The following CRHR2 variants were observed in gnomAD, a reference collection of about 807,000 sequenced individuals.
The protein encoded by CRHR2 is corticotropin releasing hormone receptor 2.
CRHR2 carries 53 observed loss-of-function variants against 57.9 expected under a neutral mutation model. The ratio of observed to expected loss-of-function variants is 0.92; its 90% CI spans 0.73 to 1.15. The LOEUF (loss-of-function observed/expected upper bound fraction) is 1.15, where lower values mean the gene tolerates loss of function less well. CRHR2 is among the 50% of genes most tolerant of loss of function. The pLI, the probability that CRHR2 is intolerant of heterozygous loss-of-function variation, is 0.00. For synonymous variants in CRHR2, 213 were observed against 220.9 expected (o/e 0.96, Z 0.32); for missense variants, 532 against 542.6 (o/e 0.98, Z 0.19).
At chr7:30,683,861 G>C (rs1428623984), upstream of CRHR2, among the ~76,000 whole-genome samples, 1 of 152,196 alleles carries the variant, frequency 6.6e-6, no homozygotes, top group African/African-American at 2.4e-5. Flanking sequence ...GCTAGGAAAG[G>C]CTGAAACCAC....
chr7:30,653,452 C>A lies in CRHR2; in HGVS notation c.*8G>T. 1.9e-6 allele frequency: 3 copies of A among 1,612,584 alleles called. No homozygotes were observed. The highest frequency in any genetic ancestry group is 8.5e-7 in the Non-Finnish European group (1 of 1,179,406). On this transcript the variant is annotated 3_prime_UTR_variant, in exon 12 of 12. Transcript: ENST00000471646. The surrounding 1 kb of genome is among the most constrained non-coding windows in gnomAD (Gnocchi z 5.0). ...ACAGGGGAGCTGTGCAGGTGGGCGA[C>A]CGAGGGGTCACACAGCGGCCGTCTG...
chr7:30,699,701 T>A (rs1459320040), intron 1 of CRHR2: 2 of 211,046 alleles, frequency 9.5e-6, no homozygotes, highest in Non-Finnish European at 9.5e-6. Flanking sequence ...TCCCTTCCCC[T>A]GCCCCCTCAC....
chr7:30,659,196 G>A (rs1257755829), intron 8 of CRHR2, among the ~76,000 whole-genome samples: 1 of 152,226 alleles, frequency 6.6e-6, no homozygotes, highest in Non-Finnish European at 1.5e-5. Context: ...AGGAAAGAAG[G>A]AAAGGGCTCG....
upstream of CRHR2, among the ~76,000 whole-genome samples, chr7:30,687,201 G>A (rs1230471148): frequency 6.6e-6 from 1 of 152,092 alleles, no homozygotes; most frequent in Non-Finnish European, 1.5e-5. Context: ...TGAAAAGAAG[G>A]TCATTATCAA....
chr7:30,672,598 A>G (rs1425839543), intron 2 of CRHR2, among the ~76,000 whole-genome samples: 1 of 152,224 alleles, frequency 6.6e-6, no homozygotes, highest in Non-Finnish European at 1.5e-5. Context: ...AAACAGTCAC[A>G]CATACATGCA....
At chr7:30,692,453 C>T (rs1421864461) in intron 1 of CRHR2, among the ~76,000 whole-genome samples, 1 of 152,198 alleles carries the variant, frequency 6.6e-6, no homozygotes, top group Non-Finnish European at 1.5e-5. Context: ...AGTGAATGCT[C>T]ATTGAGGAAA....
upstream of CRHR2, among the ~76,000 whole-genome samples, chr7:30,685,921 T>C (rs1315119049): frequency 6.6e-6 from 1 of 152,148 alleles, no homozygotes; most frequent in Admixed American, 6.5e-5. Context: ...CTCTTTGGTA[T>C]TGCAAAGAAG....
chr7:30,681,901 C>T lies in CRHR2; in HGVS notation c.229+14G>A, dbSNP rs781229781. On this transcript the variant is annotated intron_variant, in intron 2 of 11. Coordinates refer to ENST00000471646, the MANE Select transcript of CRHR2 (RefSeq NM_001883.5). ...GCCGGTGTAGAGCAGGCAGCGAGGGCCGGGGGCACTCACGGGTCGTGTTGT... is the reference window on the plus strand; with the variant it reads ...GCCGGTGTAGAGCAGGCAGCGAGGGTCGGGGGCACTCACGGGTCGTGTTGT... 1.2e-6 allele frequency: 2 copies of T among 1,605,812 alleles called. No individual in the cohort carries two copies. Among genetic ancestry groups the T allele is most frequent in the African/African-American group, 2.7e-5 (2 of 74,162 alleles).
intron 5 of CRHR2, 116 bp downstream of exon 5, chr7:30,664,954 G>C: frequency 7.6e-6 from 6 of 790,398 alleles, no homozygotes; most frequent in Non-Finnish European, 2.2e-6. Flanking sequence ...GGCTGCTTTA[G>C]CAGGTAGTGA....
chr7:30,694,921 A>T (rs374935432), intron 1 of CRHR2, among the ~76,000 whole-genome samples: 47 of 131,580 alleles, frequency 3.6e-4, no homozygotes, highest in African/African-American at 1.3e-3. Flanking sequence ...GGGGTCAGAA[A>T]AGGGAGAGGG....
chr7:30,655,812 C>A, intron 9 of CRHR2, 97 bp from the exon 10 acceptor site: 1 of 1,589,302 alleles, frequency 6.3e-7, no homozygotes, highest in Non-Finnish European at 8.6e-7. Context: ...CTTCCGGGAG[C>A]TTGAGCGAGC....
chr7:30,654,754 C>T (rs1783712541), intron 11 of CRHR2: 2 of 1,536,362 alleles, frequency 1.3e-6, no homozygotes, highest in Non-Finnish European at 1.7e-6. Flanking sequence ...CACCTCTGCT[C>T]TGGCTTCTCT....
chr7:30,673,214 C>CT (rs58334246), intron 2 of CRHR2, among the ~76,000 whole-genome samples: 4,957 of 146,504 alleles, frequency 0.034, 231 homozygotes, highest in African/African-American at 0.11. Flanking sequence ...TTCTTACCTA[C>CT]TTTTTTTTTT....
Position 30,665,196 on chromosome 7 carries a change from G to A in CRHR2, c.426-9C>T, listed in dbSNP as rs1472197177. ...GCAGACAGCGAATGCTCCTGTGGGA[G>A]GTGCAGGTCAGGGGTCAGCCAGGTT... On this transcript the variant is annotated splice_polypyrimidine_tract_variant and intron_variant, in intron 4 of 11. Transcript: ENST00000471646. This position sits in a 1 kb window ranked among gnomAD's most constrained non-coding sequence, Gnocchi z 4.5. 2.5e-6 allele frequency: 4 copies of A among 1,612,186 alleles called. No individual in the cohort carries two copies. The African/African-American group carries it at 5.3e-5, about 22-fold the overall frequency.
upstream of CRHR2, among the ~76,000 whole-genome samples, chr7:30,684,505 G>A (rs188392137): frequency 2.3e-3 from 358 of 152,354 alleles, 3 homozygotes; most frequent in African/African-American, 7.8e-3. Flanking sequence ...ATCTCATGCA[G>A]ATTTCTGCAG....
intron 2 of CRHR2, among the ~76,000 whole-genome samples, chr7:30,675,036 C>T (rs1166421398): frequency 6.6e-6 from 1 of 152,222 alleles, no homozygotes; most frequent in Non-Finnish European, 1.5e-5. Flanking sequence ...CCTGCCAGTC[C>T]CTCAGTGAGT....
rs189700916 is a variant in CRHR2 at position 30,672,986 on chromosome 7, C to T, written c.230-5673G>A. On this transcript the variant is annotated intron_variant, in intron 2 of 11. Coordinates refer to ENST00000471646, the MANE Select transcript of CRHR2 (RefSeq NM_001883.5). The stretch of plus-strand genomic sequence containing the variant: ...TGTACCTAGGAGAGACAGACTCTCC[C>T]TGTGACCCTGTGTTTCAGCAGATGC... Among the ~76,000 whole-genome samples the T allele has an allele frequency of 4.6e-5, 7 of 152,328 alleles. No homozygotes were observed. In the East Asian group the frequency reaches 7.7e-4, roughly 17 times the overall value.
chr7:30,655,532 G>A (rs760641861), intron 10 of CRHR2, 48 bp downstream of exon 10: 3 of 1,579,652 alleles, frequency 1.9e-6, no homozygotes, highest in South Asian at 1.2e-5. Context: ...TGCCAGAGCA[G>A]CCTCAGGAAA....
At chr7:30,654,608 C>G in intron 11 of CRHR2, 4 of 1,427,680 alleles carry the variant, frequency 2.8e-6, no homozygotes, top group Non-Finnish European at 3.8e-6. Flanking sequence ...GCCTGACTCC[C>G]CAGAGCCTGC....
Sources: allele counts gnomAD v4.1 joint callset (sites outside exome capture counted in the v4.1 genomes callset), GRCh38; gene constraint gnomAD v4.1.1; non-coding constraint Gnocchi (gnomAD v3.1); transcripts MANE v1.5; gene names NCBI Gene and HGNC (gene_info 2026-07-23, HGNC 2026-07-21).